DTNA: variants seen among roughly 807,000 people sequenced by gnomAD.
DTNA encodes the protein dystrobrevin alpha, also known as dystrophin-related protein 3.
In DTNA, 43 loss-of-function variants were observed where a neutral mutation model predicts 100.7. That is an observed-to-expected ratio of 0.43 (90% CI 0.33 to 0.55). DTNA has a LOEUF of 0.55. Ranked by LOEUF, DTNA falls within the 20% of genes least tolerant of loss-of-function variation. DTNA has a pLI of 0.04. For synonymous variants in DTNA, 349 were observed against 347.9 expected (o/e 1.00, Z -0.04); for missense variants, 798 against 953.9 (o/e 0.84, Z 2.15).
At chr18:34,708,764 C>G (rs1568274930), upstream of DTNA, among the ~76,000 whole-genome samples, 1 of 152,174 alleles carries the variant, frequency 6.6e-6, no homozygotes, top group Non-Finnish European at 1.5e-5. Context: ...CCCTCTTGTT[C>G]AAAAATCACA....
intron 1 of DTNA, among the ~76,000 whole-genome samples, chr18:34,696,749 A>AT (rs561830310): frequency 1.0e-3 from 157 of 151,764 alleles, no homozygotes; most frequent in Middle Eastern, 3.4e-3. Flanking sequence ...AAGAAAGATG[A>AT]TTTTTTTTTA....
At chr18:34,723,404 G>A (rs973969976) in intron 1 of DTNA, among the ~76,000 whole-genome samples, 9 of 151,816 alleles carry the variant, frequency 5.9e-5, no homozygotes, top group African/African-American at 1.9e-4. Flanking sequence ...ATACATAGAC[G>A]GTATATTTGT....
intron 4 of DTNA, among the ~76,000 whole-genome samples, chr18:34,805,361 G>T (rs891817530): frequency 1.6e-4 from 24 of 152,004 alleles, no homozygotes; most frequent in African/African-American, 2.4e-5. Flanking sequence ...GTCTCCCTCT[G>T]TCGCCCAGGC....
intron 1 of DTNA, among the ~76,000 whole-genome samples, chr18:34,630,650 C>T (rs2057958328): frequency 6.6e-6 from 1 of 151,956 alleles, no homozygotes; most frequent in African/African-American, 2.4e-5. Context: ...GAGATAAAAT[C>T]GGGAAGATGT....
intron 1 of DTNA, among the ~76,000 whole-genome samples, chr18:34,665,148 A>G (rs1183706243): frequency 6.6e-6 from 1 of 152,100 alleles, no homozygotes; most frequent in East Asian, 1.9e-4. Context: ...ATTCTTTCCC[A>G]GAATTAGATG....
At chr18:34,817,715 T>C (rs555296451) in intron 7 of DTNA, among the ~76,000 whole-genome samples, 2 of 152,308 alleles carry the variant, frequency 1.3e-5, no homozygotes, top group East Asian at 3.9e-4. Flanking sequence ...TCCTTTCTTT[T>C]TTCTTCCTCT....
intron 1 of DTNA, among the ~76,000 whole-genome samples, chr18:34,753,006 T>A (rs936520897): frequency 1.4e-4 from 22 of 152,348 alleles, no homozygotes; most frequent in Middle Eastern, 3.4e-3. Context: ...TTGGGAAATA[T>A]AATTGAAAGT....
intron 3 of DTNA, among the ~76,000 whole-genome samples, chr18:34,771,328 T>C (rs1270422896): frequency 6.6e-6 from 1 of 151,970 alleles, no homozygotes. Context: ...TGATACCCCA[T>C]CTCTACTAAA....
intron 10 of DTNA, among the ~76,000 whole-genome samples, chr18:34,828,653 G>GA (rs1040601378): frequency 4.6e-5 from 7 of 152,178 alleles, no homozygotes; most frequent in Admixed American, 4.6e-4. Flanking sequence ...AACCTGAGAT[G>GA]AAGATGTTCC....
At chr18:34,806,574 C>T (rs1181777404) in intron 5 of DTNA, among the ~76,000 whole-genome samples, 1 of 152,202 alleles carries the variant, frequency 6.6e-6, no homozygotes, top group Non-Finnish European at 1.5e-5. Context: ...AATAAGCACT[C>T]TTTGCAGTTA....
chr18:34,585,216 CAGT>C (rs1449225896), intron 1 of DTNA, among the ~76,000 whole-genome samples: 1 of 151,946 alleles, frequency 6.6e-6, no homozygotes, highest in African/African-American at 2.4e-5. Flanking sequence ...GATGACAGCT[CAGT>C]AGCAAGATTG....
chr18:34,573,047 A>G (rs1213790484), intron 1 of DTNA, among the ~76,000 whole-genome samples: 3 of 152,238 alleles, frequency 2.0e-5, no homozygotes, highest in Non-Finnish European at 4.4e-5. Flanking sequence ...AATAACATAT[A>G]GAAGGTTCCT....
intron 1 of DTNA, among the ~76,000 whole-genome samples, chr18:34,594,210 G>A (rs138660671): frequency 1.2e-4 from 18 of 151,794 alleles, no homozygotes; most frequent in African/African-American, 4.3e-4. Context: ...CTTGAGAGAA[G>A]ACAAGGGAGA....
intron 8 of DTNA, among the ~76,000 whole-genome samples, chr18:34,820,253 C>T (rs1348436296): frequency 6.6e-6 from 1 of 152,104 alleles, no homozygotes; most frequent in Non-Finnish European, 1.5e-5. Context: ...ATCTTCCACT[C>T]ATCTTCATTC....
chr18:34,803,034 A>G (rs915296818), intron 4 of DTNA, among the ~76,000 whole-genome samples: 4 of 152,206 alleles, frequency 2.6e-5, no homozygotes, highest in African/African-American at 9.6e-5. Context: ...TTGTAGAGTC[A>G]GTCATCTCTG....
intron 1 of DTNA, among the ~76,000 whole-genome samples, chr18:34,734,736 A>G (rs548738081): frequency 2.0e-5 from 3 of 152,252 alleles, no homozygotes; most frequent in South Asian, 2.1e-4. Flanking sequence ...TTCTCCATAT[A>G]TGGTCAAAGG....
At chr18:34,855,485 A>G (rs1257994379) in intron 15 of DTNA, among the ~76,000 whole-genome samples, 1 of 152,212 alleles carries the variant, frequency 6.6e-6, no homozygotes, top group Non-Finnish European at 1.5e-5. Context: ...AATTTACAAG[A>G]TTCTATTACT....
intron 1 of DTNA, among the ~76,000 whole-genome samples, chr18:34,574,681 T>A (rs1375934887): frequency 6.6e-6 from 1 of 152,212 alleles, no homozygotes; most frequent in Non-Finnish European, 1.5e-5. Context: ...CAGGCTGGAA[T>A]GCAGTAATGA....
chr18:34,698,612 G>C (rs1427002840), intron 1 of DTNA, among the ~76,000 whole-genome samples: 1 of 152,192 alleles, frequency 6.6e-6, no homozygotes, highest in African/African-American at 2.4e-5. Context: ...AGTTTATTAA[G>C]GAGTATTGAC....
Sources: allele counts gnomAD v4.1 joint callset (sites outside exome capture counted in the v4.1 genomes callset), GRCh38; gene constraint gnomAD v4.1.1; transcripts MANE v1.5; gene names NCBI Gene and HGNC (gene_info 2026-07-23, HGNC 2026-07-21).